PDK1: variants seen among roughly 807,000 people sequenced by gnomAD.
PDK1 encodes the protein pyruvate dehydrogenase kinase 1, also known as [Pyruvate dehydrogenase (acetyl-transferring)] kinase isozyme 1, mitochondrial.
In PDK1, 39 loss-of-function variants were observed where a neutral mutation model predicts 54.2. The observed-to-expected ratio is 0.72, with a 90% CI of 0.56 to 0.94. The LOEUF (loss-of-function observed/expected upper bound fraction) is 0.94, where lower values mean the gene tolerates loss of function less well. PDK1 is among the 40% of genes least tolerant of loss of function. The pLI is 0.00. For missense variants in PDK1, 552 were observed against 566.0 expected (o/e 0.98, Z 0.25); for synonymous variants, 221 against 207.1 (o/e 1.07, Z -0.58).
chr2:172,708,614 G>A, the PDK1 span, among the ~76,000 whole-genome samples: 2 of 152,160 alleles, frequency 1.3e-5, no homozygotes, highest in African/African-American at 2.4e-5. Flanking sequence ...ATTGATACAG[G>A]TTGAGTATTC....
chr2:172,663,269 T>C, the PDK1 span, among the ~76,000 whole-genome samples: 1 of 152,156 alleles, frequency 6.6e-6, no homozygotes, highest in African/African-American at 2.4e-5. Context: ...CCAATCATAT[T>C]GGATTAAGGC....
the PDK1 span, among the ~76,000 whole-genome samples, chr2:172,613,837 A>T: frequency 2.0e-5 from 3 of 152,088 alleles, no homozygotes; most frequent in African/African-American, 2.4e-5. Flanking sequence ...CAGCCACCCA[A>T]ACCGCAGCTG....
At chr2:172,586,178 G>A (rs988660874) in intron 8 of PDK1, 100 bp from the exon 9 acceptor site, 5 of 541,000 alleles carry the variant, frequency 9.2e-6, no homozygotes, top group Admixed American at 3.1e-5. Flanking sequence ...AAAAAAAAGC[G>A]CTCTCCCACC....
At chr2:172,592,312 T>G (rs34707897) in intron 9 of PDK1, among the ~76,000 whole-genome samples, 24,821 of 152,124 alleles carry the variant, frequency 0.16, 2,349 homozygotes, top group African/African-American at 0.24. Flanking sequence ...TCTTTCTCTT[T>G]GACTTCTTTG....
the PDK1 span, among the ~76,000 whole-genome samples, chr2:172,668,768 A>C: frequency 6.8e-6 from 1 of 146,276 alleles, no homozygotes; most frequent in East Asian, 1.9e-4. Flanking sequence ...TATATTTTCT[A>C]TATATATGTA....
the PDK1 span, among the ~76,000 whole-genome samples, chr2:172,701,005 G>A: frequency 2.0e-5 from 3 of 152,074 alleles, no homozygotes; most frequent in Admixed American, 2.0e-4. Context: ...AAGGGGAGAG[G>A]GAGAGGGAGA....
At chr2:172,712,573 T>G in the PDK1 span, among the ~76,000 whole-genome samples, 1 of 152,232 alleles carries the variant, frequency 6.6e-6, no homozygotes, top group Non-Finnish European at 1.5e-5. Flanking sequence ...GCTGGCTTCC[T>G]GCTAGGCTGT....
the PDK1 span, among the ~76,000 whole-genome samples, chr2:172,707,227 G>A: frequency 2.6e-5 from 4 of 152,156 alleles, no homozygotes; most frequent in African/African-American, 9.7e-5. Context: ...ACCTGTCAGG[G>A]ATGAAAGTCC....
chr2:172,623,193 T>G, the PDK1 span, among the ~76,000 whole-genome samples: 3 of 151,630 alleles, frequency 2.0e-5, no homozygotes, highest in South Asian at 6.2e-4. Context: ...AACAATCACA[T>G]GAAAACCTGG....
At chr2:172,571,849 T>TTTTTTTTTTTG (rs1553480311) in intron 8 of PDK1, among the ~76,000 whole-genome samples, 1 of 136,680 alleles carries the variant, frequency 7.3e-6, no homozygotes, top group African/African-American at 2.8e-5. Context: ...TTTTTTTTTT[T>TTTTTTTTTTTG]GAGATGGAGT....
chr2:172,658,191 A>G, the PDK1 span, among the ~76,000 whole-genome samples: 5 of 152,180 alleles, frequency 3.3e-5, no homozygotes, highest in Admixed American at 2.0e-4. Flanking sequence ...AAATTTCAAC[A>G]TGAGATTTGG....
At chr2:172,635,594 G>A in the PDK1 span, among the ~76,000 whole-genome samples, 110 of 152,294 alleles carry the variant, frequency 7.2e-4, no homozygotes, top group Non-Finnish European at 9.3e-4. Context: ...GGGATTACAG[G>A]TGTGAGCCAC....
chr2:172,643,462 C>T, the PDK1 span, among the ~76,000 whole-genome samples: 1 of 152,154 alleles, frequency 6.6e-6, no homozygotes, highest in Non-Finnish European at 1.5e-5. Flanking sequence ...TGTGCTGAGT[C>T]CTCTTTTAGC....
At chr2:172,684,786 G>A in the PDK1 span, among the ~76,000 whole-genome samples, 1 of 152,114 alleles carries the variant, frequency 6.6e-6, no homozygotes, top group East Asian at 1.9e-4. Context: ...AATTGCTGAC[G>A]ATTTTGGCCT....
At chr2:172,714,269 A>T in the PDK1 span, among the ~76,000 whole-genome samples, 1 of 152,232 alleles carries the variant, frequency 6.6e-6, no homozygotes, top group Non-Finnish European at 1.5e-5. Context: ...TTTTCAACAT[A>T]TACAATATAA....
the PDK1 span, among the ~76,000 whole-genome samples, chr2:172,667,209 G>A: frequency 1.2e-4 from 18 of 152,160 alleles, no homozygotes; most frequent in African/African-American, 3.1e-4. Context: ...GGACCTCTAG[G>A]GAAGTAGGAC....
At chr2:172,628,987 G>A in the PDK1 span, among the ~76,000 whole-genome samples, 2 of 152,126 alleles carry the variant, frequency 1.3e-5, no homozygotes, top group Admixed American at 6.6e-5. Flanking sequence ...AATTAGCCAA[G>A]TGTGTTAGTG....
the PDK1 span, among the ~76,000 whole-genome samples, chr2:172,635,830 C>T: frequency 2.6e-5 from 4 of 152,198 alleles, no homozygotes; most frequent in Admixed American, 2.0e-4. Context: ...ATTCCAGGGG[C>T]TGTCACTGGT....
chr2:172,598,118 T>TATTTTTTAGCTTTAA lies in PDK1; in HGVS notation c.*2152_*2153insTTTTAGCTTTAAATT, dbSNP rs1409556031. On this transcript the variant is annotated 3_prime_UTR_variant, in exon 11 of 11. Transcript: ENST00000282077. ...ATGAGTAATTTATATTAGTTCGATGTATTACAATTTTTTAGCTTTAAATTA... is the reference window on the plus strand; with the variant it reads ...ATGAGTAATTTATATTAGTTCGATGTATTTTTTAGCTTTAAATTACAATTTTTTAGCTTTAAATTA... 1 of 152,254 alleles carries TATTTTTTAGCTTTAA rather than the reference T, an allele frequency of 6.6e-6. No homozygotes were observed. Among genetic ancestry groups the TATTTTTTAGCTTTAA allele is most frequent in the African/African-American group, 2.4e-5 (1 of 41,476 alleles). 9.4% of individuals were successfully genotyped at this position (152,254 alleles called of 1,614,324 possible).
Sources: gnomAD v4.1 joint callset for allele counts (sites outside exome capture counted in the v4.1 genomes callset) on GRCh38, gnomAD v4.1.1 for gene constraint, MANE v1.5 for transcripts, NCBI Gene and HGNC (gene_info 2026-07-23, HGNC 2026-07-21) for gene names.